RBBP5: variants seen among roughly 807,000 people sequenced by gnomAD.
RBBP5 encodes the protein RB binding protein 5, histone lysine methyltransferase complex subunit.
RBBP5 carries 5 observed loss-of-function variants against 72.2 expected under a neutral mutation model. The ratio of observed to expected loss-of-function variants is 0.07; its 90% CI spans 0.04 to 0.15. RBBP5 has a LOEUF of 0.15. Among genes scored for constraint, RBBP5 ranks in the 10% least tolerant of loss-of-function variants. The pLI is 1.00. For synonymous variants in RBBP5, 209 were observed against 237.2 expected, an observed-to-expected ratio of 0.88 and a Z score of 1.09; for missense variants, 322 against 652.2, an observed-to-expected ratio of 0.49 and a Z score of 5.51.
chr1:205,120,736 T>C (rs1012232309), intron 1 of RBBP5, among the ~76,000 whole-genome samples: 1 of 151,648 alleles, frequency 6.6e-6, no homozygotes, highest in African/African-American at 2.4e-5. Context: ...GAGCCAAGAC[T>C]GTGCCACTGC....
chr1:205,112,506 C>T (rs1260773805), intron 3 of RBBP5, among the ~76,000 whole-genome samples: 2 of 152,144 alleles, frequency 1.3e-5, no homozygotes, highest in African/African-American at 4.8e-5. Flanking sequence ...CCACCTCCCA[C>T]TAATCATCTA....
At chr1:205,093,473 AAAAAAAATATATATATATATAT>A (rs1395116447) in intron 13 of RBBP5, among the ~76,000 whole-genome samples, 15 of 10,488 alleles carry the variant, frequency 1.4e-3, no homozygotes, top group Admixed American at 3.8e-3. Context: ...AAAAAAAAAA[AAAAAAAATATATATATATATAT>A]ATATATATAT....
chr1:205,121,573 C>A (rs947132026), intron 1 of RBBP5, among the ~76,000 whole-genome samples: 19 of 152,196 alleles, frequency 1.2e-4, no homozygotes, highest in African/African-American at 3.6e-4. Context: ...CCTGGCTGCT[C>A]TGGGTACTTC....
At chr1:205,115,393 A>G (rs1656480960) in intron 2 of RBBP5, among the ~76,000 whole-genome samples, 2 of 152,222 alleles carry the variant, frequency 1.3e-5, no homozygotes, top group Non-Finnish European at 2.9e-5. Context: ...CCTACAATGC[A>G]TAACATTAGA....
chr1:205,087,298 G>C lies in RBBP5; in HGVS notation c.*1489C>G, dbSNP rs1655172512. 1 of 151,184 alleles carries C rather than the reference G, an allele frequency of 6.6e-6. No homozygotes were observed. The highest frequency in any genetic ancestry group is 2.4e-5 in the African/African-American group (1 of 41,146). The allele number at this position is 151,184 out of a possible 1,614,324, so 9.4% of individuals were successfully genotyped here. A position where few individuals can be genotyped will look rare whatever the true frequency, so the allele number is the denominator to read the frequency against. On this transcript the variant is annotated 3_prime_UTR_variant, in exon 14 of 14. Coordinates refer to ENST00000264515, the MANE Select transcript of RBBP5 (RefSeq NM_005057.4). ...TGCAACCTCTGCCTCCCACGTTCAA[G>C]TGATTCTCCTGACTCAGCCTCCAGT...
rs138661666 is a variant in RBBP5 at position 205,119,490 on chromosome 1, CT to C, written c.19+2364del. ...AAGCCTTTTGCAAGATCCTGCTACT[CT>C]TTCAAAGTACTAGCGTTATCACCTT... is the stretch of plus-strand genomic sequence containing the variant. On this transcript the variant is annotated intron_variant, in intron 1 of 13. Coordinates refer to ENST00000264515, the MANE Select transcript of RBBP5 (RefSeq NM_005057.4). Among the ~76,000 whole-genome samples, 80 of 152,342 alleles carry C rather than the reference CT, an allele frequency of 5.3e-4. 2 individuals carry two copies. The East Asian group carries it at 0.012, about 24-fold the overall frequency.
At position 205,100,208 on chromosome 1, in the gene RBBP5, T is replaced by C. The variant is rs1655764299; in HGVS notation, c.696A>G (p.Thr232=). 2.5e-6 allele frequency: 4 copies of C among 1,614,214 alleles called. No homozygotes were observed. The highest frequency in any genetic ancestry group is 1.6e-4 in the Middle Eastern group (1 of 6,062). ...IRVYDGREIL[T]CGRDGEPEPM... ...GTTCAGGCTCTCCATCTCTTCCACATGTTAAGATTTCTCTGCCATCATAAA... is the reference window on the plus strand; with the variant it reads ...GTTCAGGCTCTCCATCTCTTCCACACGTTAAGATTTCTCTGCCATCATAAA... Residue 232 remains threonine (T), a synonymous_variant, in exon 7 of 14, where the codon ACA becomes ACG. Coordinates refer to ENST00000264515, the MANE Select transcript of RBBP5 (RefSeq NM_005057.4).
chr1:205,120,027 A>G (rs1382472122), intron 1 of RBBP5, among the ~76,000 whole-genome samples: 1 of 152,050 alleles, frequency 6.6e-6, no homozygotes, highest in African/African-American at 2.4e-5. Flanking sequence ...TTTTCCAATG[A>G]CCTTACACTT....
At position 205,104,532 on chromosome 1, in the gene RBBP5, A is replaced by T. The variant is rs11810762; in HGVS notation, c.359+496T>A. Among the ~76,000 whole-genome samples, 1,165 of 150,278 alleles carry T rather than the reference A, an allele frequency of 7.8e-3. 13 individuals carry two copies. The highest frequency in any genetic ancestry group is 0.027 in the African/African-American group (1,081 of 40,758). The stretch of plus-strand genomic sequence containing the variant: ...AGCGAGACTCCATCTCAAAAAAATT[A>T]AAATTTAAATTAAAAAAAACGCATT... On this transcript the variant is annotated intron_variant, in intron 4 of 13. Transcript: ENST00000264515.
chr1:205,099,903 G>GTA lies in RBBP5; in HGVS notation c.906+6_906+7dup, dbSNP rs1558574060. On this transcript the variant is annotated splice_region_variant and intron_variant, in intron 8 of 13. Coordinates refer to ENST00000264515, the MANE Select transcript of RBBP5 (RefSeq NM_005057.4). This position sits in a 1 kb window ranked among gnomAD's most constrained non-coding sequence, Gnocchi z 4.7. ...TGACTAACAAAAGCAATGTCCTAAT[G>GTA]TACTCACAGCTACATCCAAGAGGAG... 1 of 1,614,030 alleles carries GTA rather than the reference G, an allele frequency of 6.2e-7. No individual in the cohort carries two copies. Among genetic ancestry groups the GTA allele is most frequent in the Non-Finnish European group, 8.5e-7 (1 of 1,179,916 alleles).
At chr1:205,109,105 T>C (rs778258458) in intron 3 of RBBP5, among the ~76,000 whole-genome samples, 28 of 152,178 alleles carry the variant, frequency 1.8e-4, no homozygotes, top group Non-Finnish European at 3.7e-4. Context: ...AAGGACTCTG[T>C]GTGTCTCTTC....
rs761161251 is a variant in RBBP5 at position 205,093,458 on chromosome 1, CAAAAA to C, written c.1588+1410_1588+1414del. Among the ~76,000 whole-genome samples the C allele has an allele frequency of 8.2e-4, 15 of 18,324 alleles. 1 individual carries two copies. Among genetic ancestry groups the C allele is most frequent in the African/African-American group, 2.9e-3 (9 of 3,080 alleles). 12.0% of individuals were successfully genotyped at this position (18,324 alleles called of 152,430 possible). On this transcript the variant is annotated intron_variant, in intron 13 of 13. Coordinates refer to ENST00000264515, the MANE Select transcript of RBBP5 (RefSeq NM_005057.4). ...TGGGGACAAGAGTGAAACTCCGTTT[CAAAAA>C]AAAAAAAAAAAAAAAAATATATATA... is the stretch of plus-strand genomic sequence containing the variant.
At chr1:205,101,479 A>T (rs1655819539) in intron 6 of RBBP5, 121 bp downstream of exon 6, 1 of 631,496 alleles carries the variant, frequency 1.6e-6, no homozygotes. Context: ...GTTTCTAAAA[A>T]CCTTAAGTAC....
At position 205,086,633 on chromosome 1, in the gene RBBP5, A is replaced by G; in HGVS notation, c.*2154T>C. 1 of 152,240 alleles carries G rather than the reference A, an allele frequency of 6.6e-6. No homozygotes were observed. Among genetic ancestry groups the G allele is most frequent in the Non-Finnish European group, 1.5e-5 (1 of 68,042 alleles). The allele number at this position is 152,240 out of a possible 1,614,324, so 9.4% of individuals were successfully genotyped here. A position where few individuals can be genotyped will look rare whatever the true frequency, so the allele number is the denominator to read the frequency against. On this transcript the variant is annotated 3_prime_UTR_variant, in exon 14 of 14. Transcript: ENST00000264515. ...ATATATTGTACAAATCAAATAATTC[A>G]AATTGAAATGGATAGAAGGTTTTTT...
At chr1:205,090,134 G>A (rs900964542) in intron 13 of RBBP5, among the ~76,000 whole-genome samples, 2 of 152,188 alleles carry the variant, frequency 1.3e-5, no homozygotes, top group Admixed American at 6.5e-5. Flanking sequence ...GATTACAAGC[G>A]TGAGCCACTG....
chr1:205,100,384 A>C, intron 6 of RBBP5, 113 bp from the exon 7 acceptor site: 1 of 1,274,176 alleles, frequency 7.8e-7, no homozygotes, highest in East Asian at 2.5e-5. Flanking sequence ...AATAGACTAG[A>C]ATATTTATAT....
chr1:205,101,451 GA>G, intron 6 of RBBP5, 148 bp downstream of exon 6: 1 of 536,358 alleles, frequency 1.9e-6, no homozygotes. Flanking sequence ...TTATGAACTC[GA>G]AAACCAGATA....
At chr1:205,095,460 G>C (rs2102268034) in intron 12 of RBBP5, among the ~76,000 whole-genome samples, 1 of 152,150 alleles carries the variant, frequency 6.6e-6, no homozygotes, top group East Asian at 1.9e-4. Flanking sequence ...TTCCAATGTG[G>C]CCCAGGGAAG....
chr1:205,107,121 G>C (rs796374051), intron 3 of RBBP5, among the ~76,000 whole-genome samples: 1 of 151,670 alleles, frequency 6.6e-6, no homozygotes, highest in East Asian at 1.9e-4. Context: ...TATACACACA[G>C]AGCCTCAGAG....
Sources: allele counts gnomAD v4.1 joint callset (sites outside exome capture counted in the v4.1 genomes callset), GRCh38; gene constraint gnomAD v4.1.1; non-coding constraint Gnocchi (gnomAD v3.1); transcripts MANE v1.5; gene names NCBI Gene and HGNC (gene_info 2026-07-23, HGNC 2026-07-21).